PRR5: variants seen among roughly 807,000 people sequenced by gnomAD.
PRR5 encodes the protein proline rich 5.
Under a neutral mutation model 30.6 loss-of-function variants are expected in PRR5, and 25 were observed. That is an observed-to-expected ratio of 0.82 (90% CI 0.60 to 1.14). PRR5 has a LOEUF of 1.14. Ranked by LOEUF, PRR5 falls within the 50% of genes most tolerant of loss-of-function variation. The pLI is 0.00. For synonymous variants in PRR5, 286 were observed against 247.1 expected, an observed-to-expected ratio of 1.16 and a Z score of -1.48; for missense variants, 600 against 547.1, an observed-to-expected ratio of 1.10 and a Z score of -0.96.
rs1228023916 is a variant in PRR5 at position 44,693,616 on chromosome 22, CTT to C, written c.-10-8854_-10-8853del. On this transcript the variant is annotated intron_variant, in intron 1 of 8. Transcript: ENST00000006251. Reference sequence around the variant, plus strand: ...TCTGTGACTTCACATTTCACATGGACTTTTTTTTTTTTTTTTTTTTTTTCTGA... The same window carrying C: ...TCTGTGACTTCACATTTCACATGGACTTTTTTTTTTTTTTTTTTTTTCTGA... Among the ~76,000 whole-genome samples the C allele has an allele frequency of 6.2e-3, 564 of 90,524 alleles. 2 individuals carry two copies. Among genetic ancestry groups the C allele is most frequent in the African/African-American group, 0.021 (537 of 25,332 alleles). 59.4% of individuals were successfully genotyped at this position (90,524 alleles called of 152,430 possible). A position where few individuals can be genotyped will look rare whatever the true frequency, so the allele number is the denominator to read the frequency against.
intron 1 of PRR5, among the ~76,000 whole-genome samples, chr22:44,678,870 G>C (rs1284902747): frequency 6.6e-6 from 1 of 152,210 alleles, no homozygotes; most frequent in African/African-American, 2.4e-5. Context: ...GCACAGAGTG[G>C]GACCCCAGCA....
intron 2 of PRR5, among the ~76,000 whole-genome samples, chr22:44,720,803 G>A (rs1024729027): frequency 1.3e-5 from 2 of 152,214 alleles, no homozygotes; most frequent in African/African-American, 4.8e-5. Context: ...CCCCTGCCCA[G>A]AGAAGGAGTG....
chr22:44,714,848 G>C (rs1031033182), intron 2 of PRR5, among the ~76,000 whole-genome samples, 177 bp downstream of exon 2: 1 of 152,220 alleles, frequency 6.6e-6, no homozygotes, highest in Admixed American at 6.5e-5. Flanking sequence ...GGGCCAGGAC[G>C]TGGTTTCCCG....
intron 1 of PRR5, among the ~76,000 whole-genome samples, chr22:44,682,580 G>A (rs9626517): frequency 0.09 from 13,677 of 152,198 alleles, 771 homozygotes; most frequent in East Asian, 0.27. Flanking sequence ...AGGCCGGCAC[G>A]GGGTGACTGA....
intron 2 of PRR5, among the ~76,000 whole-genome samples, chr22:44,714,970 C>T (rs972133603): frequency 2.0e-5 from 3 of 152,194 alleles, no homozygotes; most frequent in Non-Finnish European, 4.4e-5. Context: ...CTTGGACAGC[C>T]GCTGGAGATG....
chr22:44,678,562 G>A (rs1418702984), intron 1 of PRR5, among the ~76,000 whole-genome samples: 5 of 152,072 alleles, frequency 3.3e-5, no homozygotes, highest in Admixed American at 6.6e-5. Context: ...TGATCCACCC[G>A]CCTCTGCCCC....
intron 4 of PRR5, chr22:44,729,297 G>C (rs1004816620): frequency 3.1e-6 from 3 of 960,368 alleles, no homozygotes; most frequent in African/African-American, 3.5e-5. Context: ...GGCTGAAACA[G>C]GGTTGTTGGT....
chr22:44,689,625 G>T (rs1391509858), intron 1 of PRR5, among the ~76,000 whole-genome samples: 1 of 152,210 alleles, frequency 6.6e-6, no homozygotes, highest in Non-Finnish European at 1.5e-5. Flanking sequence ...GAAAAGTGGT[G>T]GGGACAGGAG....
chr22:44,716,345 T>C (rs1033395238), intron 2 of PRR5, among the ~76,000 whole-genome samples: 3 of 152,250 alleles, frequency 2.0e-5, no homozygotes, highest in African/African-American at 7.2e-5. Flanking sequence ...GTCTTTTTAC[T>C]GAAGCCTTGC....
chr22:44,682,415 G>T (rs1182480092), intron 1 of PRR5, among the ~76,000 whole-genome samples: 1 of 152,214 alleles, frequency 6.6e-6, no homozygotes, highest in African/African-American at 2.4e-5. Flanking sequence ...CTTCCACCGT[G>T]GCTGTCAGCT....
At chr22:44,710,000 G>A (rs1462248430) in intron 1 of PRR5, among the ~76,000 whole-genome samples, 1 of 152,130 alleles carries the variant, frequency 6.6e-6, no homozygotes, top group East Asian at 1.9e-4. Context: ...GTGTGTGGTG[G>A]TACACCACCC....
rs1923479306 is a variant in PRR5 at position 44,737,366 on chromosome 22, C to T, written c.*119C>T. The T allele has an allele frequency of 2.8e-6, 4 of 1,428,056 alleles. No individual in the cohort carries two copies. Among genetic ancestry groups the T allele is most frequent in the South Asian group, 2.9e-5 (2 of 67,972 alleles). The allele number at this position is 1,428,056 out of a possible 1,614,324, so 88.5% of individuals were successfully genotyped here. A position where few individuals can be genotyped will look rare whatever the true frequency, so the allele number is the denominator to read the frequency against. On this transcript the variant is annotated 3_prime_UTR_variant, in exon 8 of 8. Coordinates refer to ENST00000336985, the MANE Select transcript of PRR5 (RefSeq NM_181333.4). ...CCCGTCCCGCCAGCCCTATCGGCCT[C>T]GTCACTGGCCTTGGTCACTTTGTAT...
intron 2 of PRR5, among the ~76,000 whole-genome samples, chr22:44,719,164 G>T (rs1262776577): frequency 6.6e-6 from 1 of 151,260 alleles, no homozygotes; most frequent in African/African-American, 2.4e-5. Context: ...ACTGCCGCCT[G>T]CACCTTGTGG....
chr22:44,733,479 G>C (rs138369975), intron 6 of PRR5, among the ~76,000 whole-genome samples: 2,097 of 152,322 alleles, frequency 0.014, 54 homozygotes, highest in African/African-American at 0.049. Context: ...ACCCTCACAG[G>C]GCAACCAGAG....
chr22:44,689,067 A>G (rs1925012516), intron 1 of PRR5, among the ~76,000 whole-genome samples: 1 of 152,214 alleles, frequency 6.6e-6, no homozygotes, highest in South Asian at 2.1e-4. Context: ...AAGCTCGATC[A>G]TAGAAGATGT....
chr22:44,683,234 C>T (rs1011356828), intron 1 of PRR5, among the ~76,000 whole-genome samples: 1 of 152,208 alleles, frequency 6.6e-6, no homozygotes, highest in African/African-American at 2.4e-5. Flanking sequence ...CTGGCCTTAT[C>T]CCTGCAGTGA....
intron 4 of PRR5, among the ~76,000 whole-genome samples, chr22:44,727,410 C>T (rs1921037778): frequency 6.6e-6 from 1 of 152,244 alleles, no homozygotes; most frequent in African/African-American, 2.4e-5. Flanking sequence ...CGGGCCTGCG[C>T]TGTACCCGTG....
chr22:44,729,651 A>G (rs371745629), intron 4 of PRR5: 3 of 985,256 alleles, frequency 3.0e-6, no homozygotes, highest in South Asian at 4.7e-5. Context: ...GACTAACCCT[A>G]CTGCCCCACA....
intron 1 of PRR5, among the ~76,000 whole-genome samples, chr22:44,711,598 A>C (rs547969282): frequency 3.0e-4 from 46 of 152,294 alleles, no homozygotes; most frequent in African/African-American, 1.1e-3. Context: ...GCAGGGCTGA[A>C]GCCTGGGGCC....
Sources: allele counts gnomAD v4.1 joint callset (sites outside exome capture counted in the v4.1 genomes callset), GRCh38; gene constraint gnomAD v4.1.1; transcripts MANE v1.5; gene names NCBI Gene and HGNC (gene_info 2026-07-23, HGNC 2026-07-21).